Variants in KLHL5 observed in about 807,000 individuals in gnomAD.
KLHL5 encodes kelch-like protein 5.
A neutral mutation model predicts 77.7 loss-of-function variants in KLHL5; 48 were observed. The ratio of observed to expected loss-of-function variants is 0.62; its 90% CI spans 0.49 to 0.79. The LOEUF (loss-of-function observed/expected upper bound fraction) is 0.79, where lower values mean the gene tolerates loss of function less well. Ranked by LOEUF, KLHL5 falls within the 30% of genes least tolerant of loss-of-function variation. The pLI is 0.00. For missense variants in KLHL5, 723 were observed against 859.7 expected (o/e 0.84, Z 1.99); for synonymous variants, 260 against 297.0 (o/e 0.88, Z 1.28).
At chr4:39,079,022 T>C (rs998063903) in intron 2 of KLHL5, among the ~76,000 whole-genome samples, 6 of 152,234 alleles carry the variant, frequency 3.9e-5, no homozygotes, top group Admixed American at 2.6e-4. Context: ...CTATGTACTG[T>C]GACAGAAAGT....
intron 2 of KLHL5, among the ~76,000 whole-genome samples, chr4:39,079,776 A>G (rs1719439133): frequency 6.6e-6 from 1 of 152,212 alleles, no homozygotes; most frequent in South Asian, 2.1e-4. Context: ...TATCTCAAGT[A>G]TCTAGAACAG....
intron 6 of KLHL5, 52 bp downstream of exon 6, chr4:39,096,930 T>A: frequency 6.9e-7 from 1 of 1,453,410 alleles, no homozygotes; most frequent in Non-Finnish European, 9.6e-7. Context: ...AAAGATATTT[T>A]AATAAGTGTA....
chr4:39,137,090 C>T, the KLHL5 span, among the ~76,000 whole-genome samples: 1 of 152,064 alleles, frequency 6.6e-6, no homozygotes, highest in African/African-American at 2.4e-5. Flanking sequence ...AAGGATGACC[C>T]CCGTGGTGTT....
intron 1 of KLHL5, chr4:39,045,179 C>A: frequency 1.0e-6 from 1 of 983,766 alleles, no homozygotes; most frequent in Non-Finnish European, 1.2e-6. Context: ...ACTCTCACGC[C>A]CCGCTGCGGC....
chr4:39,082,856 G>T (rs1403901617), intron 4 of KLHL5, among the ~76,000 whole-genome samples: 7 of 152,116 alleles, frequency 4.6e-5, no homozygotes, highest in Non-Finnish European at 1.0e-4. Flanking sequence ...ACCACCCTCT[G>T]TGGTCTTAAC....
chr4:39,068,273 GAAAA>G (rs113947688), intron 1 of KLHL5, among the ~76,000 whole-genome samples: 1 of 147,930 alleles, frequency 6.8e-6, no homozygotes, highest in African/African-American at 2.5e-5. Context: ...TTCCTCTAAT[GAAAA>G]AAAAAATGTG....
chr4:39,047,184 A>G (rs1264181883), intron 1 of KLHL5, among the ~76,000 whole-genome samples: 2 of 152,168 alleles, frequency 1.3e-5, no homozygotes, highest in African/African-American at 4.8e-5. Flanking sequence ...TTGGGAGGCC[A>G]AGGTAGGTGG....
At chr4:39,093,256 A>G (rs1473925015) in intron 5 of KLHL5, 1 of 429,438 alleles carries the variant, frequency 2.3e-6, no homozygotes, top group Non-Finnish European at 4.7e-6. Flanking sequence ...AAGACACCAG[A>G]GTCTCCATAT....
chr4:39,054,641 C>A (rs1716889277), intron 1 of KLHL5, among the ~76,000 whole-genome samples: 1 of 152,184 alleles, frequency 6.6e-6, no homozygotes, highest in African/African-American at 2.4e-5. Flanking sequence ...TGGTGAGTGG[C>A]TTAGCTGTTG....
At chr4:39,063,616 A>G (rs1435983666) in intron 1 of KLHL5, 2 of 441,508 alleles carry the variant, frequency 4.5e-6, no homozygotes, top group Non-Finnish European at 4.6e-6. Flanking sequence ...TGTCTCTAAG[A>G]TGACAGCTAC....
At chr4:39,132,117 G>A in the KLHL5 span, among the ~76,000 whole-genome samples, 5 of 151,994 alleles carry the variant, frequency 3.3e-5, no homozygotes, top group Admixed American at 6.6e-5. Flanking sequence ...CTACAGCTTC[G>A]AAGGTAAGGA....
At chr4:39,066,329 ATGATT>A (rs1717893529) in intron 1 of KLHL5, among the ~76,000 whole-genome samples, 1 of 152,156 alleles carries the variant, frequency 6.6e-6, no homozygotes, top group African/African-American at 2.4e-5. Context: ...TAGTATAAAC[ATGATT>A]TATACTTCCC....
Position 39,122,730 on chromosome 4 carries a change from G to A in KLHL5, c.*1664G>A, listed in dbSNP as rs187365167. On this transcript the variant is annotated 3_prime_UTR_variant, in exon 11 of 11. Transcript: ENST00000504108. The stretch of plus-strand genomic sequence containing the variant: ...CGGGAGGCTGAGGCGGGAGAATGGC[G>A]TGAACCCAGGAGGAGGAGCTTGCAG... Among the ~76,000 whole-genome samples, 5 of 152,080 alleles carry A rather than the reference G, an allele frequency of 3.3e-5. No individual in the cohort carries two copies. The highest frequency in any genetic ancestry group is 3.9e-4 in the East Asian group (2 of 5,166).
chr4:39,131,994 A>G, the KLHL5 span, among the ~76,000 whole-genome samples: 1 of 152,218 alleles, frequency 6.6e-6, no homozygotes, highest in Non-Finnish European at 1.5e-5. Flanking sequence ...CAAACTCTCA[A>G]AAATTCCCCT....
the KLHL5 span, among the ~76,000 whole-genome samples, chr4:39,136,982 A>G: frequency 2.6e-3 from 395 of 152,308 alleles, 2 homozygotes; most frequent in African/African-American, 8.4e-3. Flanking sequence ...GATTGTTTCC[A>G]TAGAAGATTG....
At chr4:39,092,405 C>T (rs145409981) in intron 5 of KLHL5, among the ~76,000 whole-genome samples, 1 of 152,242 alleles carries the variant, frequency 6.6e-6, no homozygotes, top group East Asian at 1.9e-4. Flanking sequence ...CTTCAAATTG[C>T]AGTTACTATT....
At position 39,121,058 on chromosome 4, in the gene KLHL5, AAATTAT is replaced by A; in HGVS notation, c.2127_*2del. On this transcript the variant is annotated stop_lost and inframe_deletion, in exon 11 of 11. Transcript: ENST00000504108. ...AGCTGGAGCTTGTGTTGTGACTGTA[AAATTAT>A]AATTTAGTGCCCCGTTTTCTACATG... The A allele has an allele frequency of 6.2e-7, 1 of 1,612,322 alleles. No individual in the cohort carries two copies. The highest frequency in any genetic ancestry group is 8.5e-7 in the Non-Finnish European group (1 of 1,178,534).
intron 4 of KLHL5, among the ~76,000 whole-genome samples, chr4:39,083,372 A>C (rs1036044): frequency 0.72 from 109,212 of 151,994 alleles, 39,342 homozygotes; most frequent in East Asian, 0.83. Flanking sequence ...CTCTATCCAA[A>C]ACAATAGAAA....
intron 1 of KLHL5, among the ~76,000 whole-genome samples, chr4:39,046,693 G>A (rs1242481473): frequency 2.0e-5 from 3 of 152,164 alleles, no homozygotes; most frequent in Admixed American, 6.5e-5. Flanking sequence ...CCTGAGAGGC[G>A]TATTTTCCTC....
Sources: gnomAD v4.1 joint callset for allele counts (sites outside exome capture counted in the v4.1 genomes callset) on GRCh38, gnomAD v4.1.1 for gene constraint, MANE v1.5 for transcripts, NCBI Gene and HGNC (gene_info 2026-07-23, HGNC 2026-07-21) for gene names.